ZSCAN25: variants seen among roughly 807,000 people sequenced by gnomAD.
ZSCAN25 encodes the protein zinc finger and SCAN domain containing 25, also known as zinc finger and SCAN domain-containing protein 25.
ZSCAN25 carries 27 observed loss-of-function variants against 38.7 expected under a neutral mutation model. The ratio of observed to expected loss-of-function variants is 0.70; its 90% CI spans 0.51 to 0.96. The LOEUF is 0.96. Among genes scored for constraint, ZSCAN25 ranks in the 40% least tolerant of loss-of-function variants. ZSCAN25 has a pLI of 0.00. For synonymous variants in ZSCAN25, 273 were observed against 277.7 expected, an observed-to-expected ratio of 0.98 and a Z score of 0.17; for missense variants, 637 against 705.9, an observed-to-expected ratio of 0.90 and a Z score of 1.11.
the ZSCAN25 span, chr7:99,730,870 C>G: frequency 1.5e-6 from 1 of 684,942 alleles, no homozygotes; most frequent in Non-Finnish European, 2.4e-6. Flanking sequence ...CTGAGGCAAA[C>G]TTGAGGTTCC....
the ZSCAN25 span, among the ~76,000 whole-genome samples, chr7:99,691,521 G>T: frequency 4.2e-4 from 64 of 152,258 alleles, no homozygotes; most frequent in Middle Eastern, 6.8e-3. Context: ...TTATTATTGT[G>T]TGGAGTCTAA....
At chr7:99,717,541 G>A in the ZSCAN25 span, 96 of 1,613,578 alleles carry the variant, frequency 5.9e-5, no homozygotes, top group African/African-American at 7.9e-4. Flanking sequence ...TGAGTTTTCC[G>A]CTGGTGAATG....
chr7:99,647,769 T>TA, the ZSCAN25 span: 1 of 985,432 alleles, frequency 1.0e-6, no homozygotes. Flanking sequence ...ATTACAATGA[T>TA]AAAAAATGTT....
the ZSCAN25 span, among the ~76,000 whole-genome samples, chr7:99,683,765 G>A: frequency 1.1e-4 from 17 of 152,098 alleles, no homozygotes; most frequent in South Asian, 2.1e-4. Context: ...GTTTCTCCAC[G>A]TGAACACCTA....
chr7:99,621,054 G>C (rs1294403109), intron 4 of ZSCAN25: 3 of 202,192 alleles, frequency 1.5e-5, no homozygotes, highest in Non-Finnish European at 2.9e-5. Flanking sequence ...TTTTCAATTA[G>C]GAATTTTTTT....
At chr7:99,696,996 G>C in the ZSCAN25 span, among the ~76,000 whole-genome samples, 2 of 152,250 alleles carry the variant, frequency 1.3e-5, no homozygotes, top group East Asian at 1.9e-4. Context: ...TTTCCTGAGG[G>C]CTCCCTAGAG....
chr7:99,631,144 A>C lies in ZSCAN25; in HGVS notation c.*1124A>C. On this transcript the variant is annotated 3_prime_UTR_variant, in exon 8 of 8. Transcript: ENST00000394152. ...TTCAGAACCCGTGGATATTCCTGCA[A>C]ATCCTCTGGGCCTGTATTCATTGCT... The C allele has an allele frequency of 1.0e-6, 1 of 985,386 alleles. No individual in the cohort carries two copies. The allele number at this position is 985,386 out of a possible 1,614,324, so 61.0% of individuals were successfully genotyped here. A position where few individuals can be genotyped will look rare whatever the true frequency, so the allele number is the denominator to read the frequency against.
At chr7:99,643,042 T>A in the ZSCAN25 span, among the ~76,000 whole-genome samples, 1 of 152,240 alleles carries the variant, frequency 6.6e-6, no homozygotes, top group Non-Finnish European at 1.5e-5. Context: ...TGGTCCTTAA[T>A]AATGATTTTT....
At chr7:99,627,148 A>G (rs988592754) in intron 7 of ZSCAN25, among the ~76,000 whole-genome samples, 2 of 152,226 alleles carry the variant, frequency 1.3e-5, no homozygotes, top group Non-Finnish European at 2.9e-5. Context: ...TTGTTTTGGA[A>G]TGATATGGAA....
At chr7:99,699,817 A>T in the ZSCAN25 span, 1 of 580,208 alleles carries the variant, frequency 1.7e-6, no homozygotes, top group East Asian at 3.0e-5. Flanking sequence ...CATAAGATCA[A>T]TAATAACCTC....
At chr7:99,666,572 C>G in the ZSCAN25 span, 1 of 1,608,670 alleles carries the variant, frequency 6.2e-7, no homozygotes, top group Non-Finnish European at 8.5e-7. Flanking sequence ...CATGACAGCT[C>G]AGAACCCCAT....
chr7:99,690,984 A>T, the ZSCAN25 span, among the ~76,000 whole-genome samples: 1 of 152,240 alleles, frequency 6.6e-6, no homozygotes, highest in East Asian at 1.9e-4. Context: ...CTATAAAGAC[A>T]CATGCACACT....
intron 7 of ZSCAN25, among the ~76,000 whole-genome samples, chr7:99,624,718 T>G (rs1263708386): frequency 1.3e-5 from 2 of 152,094 alleles, no homozygotes; most frequent in Non-Finnish European, 2.9e-5. Flanking sequence ...ACTCAGGTGG[T>G]GGCTGGGTTT....
Position 99,632,198 on chromosome 7 carries a change from A to G in ZSCAN25, c.*2178A>G. The G allele has an allele frequency of 4.1e-6, 4 of 985,382 alleles. No individual in the cohort carries two copies. Among genetic ancestry groups the G allele is most frequent in the Non-Finnish European group, 4.8e-6 (4 of 829,912 alleles). The allele number at this position is 985,382 out of a possible 1,614,324, so 61.0% of individuals were successfully genotyped here. Reference sequence around the variant, plus strand: ...TCCTGTGGGGCCAAGAGCTTAGGACAGTGTCTCAGAAAAGCCTCTAAGTAG... The same window carrying G: ...TCCTGTGGGGCCAAGAGCTTAGGACGGTGTCTCAGAAAAGCCTCTAAGTAG... On this transcript the variant is annotated 3_prime_UTR_variant, in exon 8 of 8. Transcript: ENST00000394152.
At chr7:99,721,509 G>A in the ZSCAN25 span, among the ~76,000 whole-genome samples, 2 of 152,150 alleles carry the variant, frequency 1.3e-5, no homozygotes, top group African/African-American at 2.4e-5. Flanking sequence ...TGATAAAAGG[G>A]CATCAAGGGA....
At chr7:99,668,884 G>T in the ZSCAN25 span, among the ~76,000 whole-genome samples, 1 of 152,126 alleles carries the variant, frequency 6.6e-6, no homozygotes, top group Non-Finnish European at 1.5e-5. Context: ...TATTAGGTGT[G>T]TTTGTGGCAA....
chr7:99,683,730 T>A, the ZSCAN25 span, among the ~76,000 whole-genome samples: 1 of 152,234 alleles, frequency 6.6e-6, no homozygotes, highest in East Asian at 1.9e-4. Flanking sequence ...TCTGCTTGCT[T>A]GGACTCCCAC....
chr7:99,736,532 T>C, the ZSCAN25 span, among the ~76,000 whole-genome samples: 1 of 152,190 alleles, frequency 6.6e-6, no homozygotes, highest in African/African-American at 2.4e-5. Flanking sequence ...GTGAAAATTA[T>C]ATCAGCTCAT....
At chr7:99,652,342 T>C in the ZSCAN25 span, 1 of 407,150 alleles carries the variant, frequency 2.5e-6, no homozygotes, top group East Asian at 3.8e-5. Context: ...TAATTGATTA[T>C]CTTTGTCTTG....
Sources: gnomAD v4.1 joint callset for allele counts (sites outside exome capture counted in the v4.1 genomes callset) on GRCh38, gnomAD v4.1.1 for gene constraint, MANE v1.5 for transcripts, NCBI Gene and HGNC (gene_info 2026-07-23, HGNC 2026-07-21) for gene names.